The following PDE10A variants were observed in gnomAD, a reference collection of about 807,000 sequenced individuals.
PDE10A encodes the protein cAMP and cAMP-inhibited cGMP 3',5'-cyclic phosphodiesterase 10A.
Under a neutral mutation model 97.7 loss-of-function variants are expected in PDE10A, and 39 were observed. The ratio of observed to expected loss-of-function variants is 0.40; its 90% CI spans 0.31 to 0.52. The LOEUF is 0.52. Ranked by LOEUF, PDE10A falls within the 20% of genes least tolerant of loss-of-function variation. The pLI is 0.56. For missense variants in PDE10A, 731 were observed against 1,047.8 expected (o/e 0.70, Z 4.17); for synonymous variants, 371 against 376.8 (o/e 0.98, Z 0.18).
At chr6:165,961,098 C>T (rs1474262566) in intron 1 of PDE10A, among the ~76,000 whole-genome samples, 2 of 152,010 alleles carry the variant, frequency 1.3e-5, no homozygotes, top group Non-Finnish European at 2.9e-5. Context: ...CAGTCCGAGG[C>T]CAGGCTTGTG....
At chr6:165,740,416 C>T (rs1583021042) in intron 1 of PDE10A, among the ~76,000 whole-genome samples, 2 of 152,078 alleles carry the variant, frequency 1.3e-5, no homozygotes, top group South Asian at 2.1e-4. Context: ...CTGCAACCTC[C>T]GTCCCCCAGG....
intron 1 of PDE10A, among the ~76,000 whole-genome samples, chr6:165,965,060 G>T (rs1784470407): frequency 6.6e-6 from 1 of 152,220 alleles, no homozygotes; most frequent in South Asian, 2.1e-4. Flanking sequence ...CGGCCACCCA[G>T]GTGCCTTACA....
chr6:165,587,106 A>G (rs1168666091), intron 1 of PDE10A, among the ~76,000 whole-genome samples: 1 of 152,184 alleles, frequency 6.6e-6, no homozygotes, highest in Non-Finnish European at 1.5e-5. Context: ...AGGAGAGAGT[A>G]GAATGGCACG....
At chr6:165,551,844 C>A (rs112255636) in intron 1 of PDE10A, among the ~76,000 whole-genome samples, 1 of 152,140 alleles carries the variant, frequency 6.6e-6, no homozygotes, top group African/African-American at 2.4e-5. Context: ...GTAGCAGAAG[C>A]CCCCTGGAGA....
intron 1 of PDE10A, among the ~76,000 whole-genome samples, chr6:165,548,005 C>A (rs1403612487): frequency 6.6e-6 from 1 of 152,044 alleles, no homozygotes; most frequent in Non-Finnish European, 1.5e-5. Flanking sequence ...ACATTTAAAA[C>A]TTTTATCAAA....
chr6:165,534,261 G>A (rs909127550), intron 2 of PDE10A, among the ~76,000 whole-genome samples: 5 of 146,260 alleles, frequency 3.4e-5, no homozygotes, highest in African/African-American at 5.0e-5. Context: ...AAAACCTGAA[G>A]AGACTGATAA....
chr6:165,378,727 C>T (rs1441357960), intron 18 of PDE10A, among the ~76,000 whole-genome samples: 1 of 152,196 alleles, frequency 6.6e-6, no homozygotes, highest in Non-Finnish European at 1.5e-5. Context: ...AATATTCTGA[C>T]CCTTGTGACT....
intron 1 of PDE10A, among the ~76,000 whole-genome samples, chr6:165,704,381 A>G (rs1791656803): frequency 6.6e-6 from 1 of 152,202 alleles, no homozygotes; most frequent in South Asian, 2.1e-4. Flanking sequence ...GTACGGTAGG[A>G]TATACTCAGC....
At chr6:165,553,622 CGTGAATTAACAGCCTAAGGG>C (rs929217433) in intron 1 of PDE10A, among the ~76,000 whole-genome samples, 1 of 152,130 alleles carries the variant, frequency 6.6e-6, no homozygotes, top group African/African-American at 2.4e-5. Context: ...ACTTATTTCA[CGTGAATTAACAGCCTAAGGG>C]GTGCCTTAGC....
intron 1 of PDE10A, among the ~76,000 whole-genome samples, chr6:165,797,459 A>T (rs1778860745): frequency 6.6e-6 from 1 of 152,244 alleles, no homozygotes. Context: ...GGTAAACTTC[A>T]GTTCCTCCTA....
intron 1 of PDE10A, among the ~76,000 whole-genome samples, chr6:165,764,139 G>A (rs1793317786): frequency 6.6e-6 from 1 of 152,212 alleles, no homozygotes; most frequent in Admixed American, 6.5e-5. Flanking sequence ...CAATGCAGTA[G>A]ACGGATGAGG....
At chr6:165,381,794 C>G (rs146105419) in intron 17 of PDE10A, among the ~76,000 whole-genome samples, 276 of 151,962 alleles carry the variant, frequency 1.8e-3, no homozygotes, top group African/African-American at 6.4e-3. Context: ...TCTCCCTTTA[C>G]TTTAAGAGAA....
At chr6:165,875,731 G>GTTTTTTTTTTTTTTTTTTTTTTTTTT (rs748111095) in intron 1 of PDE10A, among the ~76,000 whole-genome samples, 1 of 46,946 alleles carries the variant, frequency 2.1e-5, no homozygotes, top group African/African-American at 7.8e-5. Context: ...TTCTTTTACT[G>GTTTTTTTTTTTTTTTTTTTTTTTTTT]TTTTTTTTTT....
rs544409576 is a variant in PDE10A at position 165,395,372 on chromosome 6, A to C, written c.2220-108T>G. On this transcript the variant is annotated intron_variant, in intron 14 of 21. Coordinates refer to ENST00000539869, the MANE Select transcript of PDE10A (RefSeq NM_001385079.1). ...ACCAAGGAGCTAAAAAGACACTGGG[A>C]GCTCAGCCATCCCTTTTCCTGCCTT... is the stretch of plus-strand genomic sequence containing the variant. 1.9e-3 allele frequency: 1,305 copies of C among 685,652 alleles called. 3 individuals carry two copies. The highest frequency in any genetic ancestry group is 2.6e-3 in the Non-Finnish European group (1,013 of 393,232). 42.5% of individuals were successfully genotyped at this position (685,652 alleles called of 1,614,324 possible).
At chr6:165,657,740 A>C (rs773975619) in intron 1 of PDE10A, among the ~76,000 whole-genome samples, 3 of 152,222 alleles carry the variant, frequency 2.0e-5, no homozygotes, top group Non-Finnish European at 4.4e-5. Context: ...TAAAAGTGCA[A>C]TTTCTTGAAA....
chr6:165,723,725 T>C lies in PDE10A; in HGVS notation c.-614-180157A>G, dbSNP rs113389868. Among the ~76,000 whole-genome samples the C allele has an allele frequency of 7.9e-3, 1,197 of 152,350 alleles. 18 individuals are homozygous for C. Among genetic ancestry groups the C allele is most frequent in the African/African-American group, 0.028 (1,161 of 41,568 alleles). On this transcript the variant is annotated intron_variant, in intron 1 of 19. Transcript: ENST00000366882. ...AGTAAGGTAGGACGTGAATTTTAAC[T>C]ATCTCATTTTTAGCTCTGTTTACGA... is the stretch of plus-strand genomic sequence containing the variant.
intron 13 of PDE10A, among the ~76,000 whole-genome samples, chr6:165,399,003 T>A (rs1368202659): frequency 2.0e-5 from 3 of 152,116 alleles, no homozygotes; most frequent in Non-Finnish European, 4.4e-5. Context: ...TTAATACCAG[T>A]CAAAAGAAAG....
intron 1 of PDE10A, among the ~76,000 whole-genome samples, chr6:165,632,141 A>T (rs1353239727): frequency 7.0e-6 from 1 of 142,562 alleles, no homozygotes; most frequent in Non-Finnish European, 1.5e-5. Flanking sequence ...CGGAGGTTGC[A>T]GTGAGCCAAG....
At chr6:165,723,430 A>G (rs546641286) in intron 1 of PDE10A, among the ~76,000 whole-genome samples, 17 of 152,164 alleles carry the variant, frequency 1.1e-4, no homozygotes, top group Non-Finnish European at 2.4e-4. Flanking sequence ...CTGTGCTGCA[A>G]AAAATAGTGC....
Sources: allele counts gnomAD v4.1 joint callset (sites outside exome capture counted in the v4.1 genomes callset), GRCh38; gene constraint gnomAD v4.1.1; transcripts MANE v1.5; gene names NCBI Gene and HGNC (gene_info 2026-07-23, HGNC 2026-07-21).